The following COL4A5 variants were observed in gnomAD, a reference collection of about 807,000 sequenced individuals.
The protein encoded by COL4A5 is collagen type IV alpha 5 chain, also known as collagen alpha-5(IV) chain.
Under a neutral mutation model 130.2 loss-of-function variants are expected in COL4A5, and 26 were observed. The ratio of observed to expected loss-of-function variants is 0.20; its 90% CI spans 0.15 to 0.28. COL4A5 has a LOEUF of 0.28. COL4A5 is among the 10% of genes least tolerant of loss of function. The probability of loss-of-function intolerance (pLI) is 1.00; values close to 1 mark genes in which losing one functional copy is unlikely to be tolerated. For missense variants in COL4A5, 1,131 were observed against 1,344.3 expected (o/e 0.84, Z 2.48); for synonymous variants, 496 against 439.6 (o/e 1.13, Z -1.60).
In COL4A5 at chrX:108,510,843, T is replaced by A. The variant is rs186787183; in HGVS notation, c.82-28903T>A. ...TTCATACAACTTTTTGTTTATTTTT[T>A]AAATTTTATTTTTTAATTGACAATA... On this transcript the variant is annotated intron_variant, in intron 1 of 52. Transcript: ENST00000328300. 9.9e-3 allele frequency among the ~76,000 whole-genome samples: 1,067 copies of A among 107,634 alleles called. 14 individuals are homozygous for A. Among genetic ancestry groups the A allele is most frequent in the African/African-American group, 0.037 (1,016 of 27,109 alleles). 93.5% of individuals were successfully genotyped at this position (107,634 alleles called of 115,157 possible). A position where few individuals can be genotyped will look rare whatever the true frequency, so the allele number is the denominator to read the frequency against.
intron 36 of COL4A5, among the ~76,000 whole-genome samples, chrX:108,634,213 C>CA (rs35480457): frequency 0.33 from 21,797 of 66,021 alleles, 2,542 homozygotes; most frequent in East Asian, 0.64. Context: ...GAAAGTGCAA[C>CA]AAAAAAAAAA....
chrX:108,548,498 A>G (rs996506998), intron 2 of COL4A5, among the ~76,000 whole-genome samples: 6 of 111,345 alleles, frequency 5.4e-5, no homozygotes, highest in African/African-American at 2.0e-4. Context: ...TAATACAAAT[A>G]TAAATGGAGT....
intron 29 of COL4A5, among the ~76,000 whole-genome samples, chrX:108,611,546 T>C (rs1416767501): frequency 1.8e-5 from 2 of 111,484 alleles, no homozygotes; most frequent in African/African-American, 6.5e-5. Flanking sequence ...GCCCATACAT[T>C]TGACAACTTA....
rs1221521254 is a variant in COL4A5, at chrX:108,696,556, C to T, written c.*178C>T. On this transcript the variant is annotated 3_prime_UTR_variant, in exon 53 of 53. Transcript: ENST00000328300. ...AAGATTCAGATGTACCTCAGCAATG[C>T]GCCAGAGCAAAGTCTCTATTATTTT... 3 of 341,063 alleles carry T rather than the reference C, an allele frequency of 8.8e-6. No individual in the cohort carries two copies. The highest frequency in any genetic ancestry group is 1.5e-5 in the Non-Finnish European group (3 of 194,915). 28.1% of individuals were successfully genotyped at this position (341,063 alleles called of 1,213,427 possible).
At chrX:108,451,722 T>C (rs1449835705) in intron 1 of COL4A5, among the ~76,000 whole-genome samples, 1 of 109,412 alleles carries the variant, frequency 9.1e-6, no homozygotes, top group African/African-American at 3.3e-5. Flanking sequence ...TTTGTTTGAG[T>C]TCATTGTAGA....
intron 1 of COL4A5, among the ~76,000 whole-genome samples, chrX:108,444,657 G>T (rs2064435098): frequency 8.9e-6 from 1 of 112,069 alleles, no homozygotes; most frequent in Non-Finnish European, 1.9e-5. Flanking sequence ...CTACTGAGGT[G>T]TCATTGCCTC....
chrX:108,510,677 T>C (rs1354208101), intron 1 of COL4A5, among the ~76,000 whole-genome samples: 1 of 111,453 alleles, frequency 9.0e-6, no homozygotes, highest in Admixed American at 9.5e-5. Flanking sequence ...GATACCATTC[T>C]ATTGAAGGTT....
At chrX:108,539,191 G>A (rs1162891483) in intron 1 of COL4A5, among the ~76,000 whole-genome samples, 1 of 110,140 alleles carries the variant, frequency 9.1e-6, no homozygotes, top group Non-Finnish European at 1.9e-5. Flanking sequence ...AAGAAAAAAA[G>A]GAGAGTTCCT....
At chrX:108,684,107 C>CT (rs1262705275) in intron 47 of COL4A5, among the ~76,000 whole-genome samples, 1 of 111,495 alleles carries the variant, frequency 9.0e-6, no homozygotes, top group African/African-American at 3.3e-5. Context: ...TGGGACACAG[C>CT]TAAAGCGGTG....
chrX:108,568,928 G>A (rs938590397), intron 6 of COL4A5, 107 bp downstream of exon 6: 10 of 661,336 alleles, frequency 1.5e-5, no homozygotes, highest in Non-Finnish European at 2.2e-5. Context: ...AGTGTCTTCA[G>A]GTCTTGGCTA....
intron 18 of COL4A5, among the ~76,000 whole-genome samples, chrX:108,586,064 A>G (rs1354265365): frequency 8.9e-6 from 1 of 111,965 alleles, no homozygotes; most frequent in African/African-American, 3.2e-5. Flanking sequence ...TAAATAGGTG[A>G]GAGAAGTATT....
intron 1 of COL4A5, among the ~76,000 whole-genome samples, chrX:108,443,724 G>A (rs1438238830): frequency 9.0e-6 from 1 of 111,385 alleles, no homozygotes; most frequent in Non-Finnish European, 1.9e-5. Flanking sequence ...TGGTTAAGAT[G>A]GTGTCTGCTA....
intron 8 of COL4A5, 115 bp from the exon 9 acceptor site, chrX:108,573,459 C>G: frequency 6.9e-6 from 4 of 577,605 alleles, no homozygotes; most frequent in Non-Finnish European, 1.2e-5. Flanking sequence ...CTGAGATGGC[C>G]TAATCTTTTA....
At chrX:108,622,097 CA>C (rs1238859526) in intron 32 of COL4A5, among the ~76,000 whole-genome samples, 1 of 112,038 alleles carries the variant, frequency 8.9e-6, no homozygotes, top group Non-Finnish European at 1.9e-5. Context: ...ATGCTTAGCT[CA>C]AAATAACAAA....
intron 36 of COL4A5, 43 bp downstream of exon 36, chrX:108,626,392 A>G (rs201171311): frequency 1.4e-4 from 168 of 1,203,306 alleles, no homozygotes; most frequent in Non-Finnish European, 1.8e-4. Flanking sequence ...TTGAGCAGAT[A>G]TGAAATTTTT....
At chrX:108,512,887 T>A (rs1323693663) in intron 1 of COL4A5, among the ~76,000 whole-genome samples, 3 of 111,492 alleles carry the variant, frequency 2.7e-5, no homozygotes, top group African/African-American at 9.8e-5. Flanking sequence ...TTCCTCTTCC[T>A]AATAAGCCTG....
intron 1 of COL4A5, among the ~76,000 whole-genome samples, chrX:108,496,181 T>C (rs1304680857): frequency 8.9e-6 from 1 of 112,461 alleles, no homozygotes; most frequent in Non-Finnish European, 1.9e-5. Flanking sequence ...ACATTTCTTC[T>C]AATGTATGCA....
chrX:108,593,039 G>C (rs1449730702), intron 21 of COL4A5, among the ~76,000 whole-genome samples: 1 of 111,320 alleles, frequency 9.0e-6, no homozygotes, highest in Non-Finnish European at 1.9e-5. Context: ...ACCATTCTTT[G>C]TTTTCCACTG....
intron 29 of COL4A5, among the ~76,000 whole-genome samples, chrX:108,612,901 G>A (rs28858373): frequency 0.1 from 11,723 of 111,721 alleles, 1,299 homozygotes; most frequent in African/African-American, 0.34. Flanking sequence ...AGTGTGGTAT[G>A]TGTGAAATAC....
Sources: allele counts gnomAD v4.1 joint callset (sites outside exome capture counted in the v4.1 genomes callset), GRCh38; gene constraint gnomAD v4.1.1; transcripts MANE v1.5; gene names NCBI Gene and HGNC (gene_info 2026-07-23, HGNC 2026-07-21).